Variants in CROCC2 observed in about 807,000 individuals in gnomAD.
CROCC2 encodes the protein ciliary rootlet coiled-coil, rootletin family member 2.
CROCC2 carries 163 observed loss-of-function variants against 177.6 expected under a neutral mutation model. The ratio of observed to expected loss-of-function variants is 0.92; its 90% confidence interval spans 0.81 to 1.05. The LOEUF (loss-of-function observed/expected upper bound fraction) is 1.05. Ranked by LOEUF, CROCC2 falls within the 50% of genes least tolerant of loss-of-function variation. CROCC2 has a pLI of 0.00. For synonymous variants in CROCC2, 904 were observed against 787.3 expected, an observed-to-expected ratio of 1.15 and a Z score of -2.48; for missense variants, 1,929 against 1,797.8, an observed-to-expected ratio of 1.07 and a Z score of -1.32.
At position 240,989,685 on chromosome 2, in the gene CROCC2, C is replaced by T. The variant is rs781255513; in HGVS notation, c.4715C>T (p.Thr1572Ile). ...AQMTEMEQAH[T>I]QRLQDLTAQH... is the part of the protein sequence containing the mutation. Reference sequence around the variant, plus strand: ...ATGACAGAGATGGAGCAGGCCCACACCCAGCGGCTCCAGGACCTGACAGCT... The same window carrying T: ...ATGACAGAGATGGAGCAGGCCCACATCCAGCGGCTCCAGGACCTGACAGCT... Residue 1572 changes from threonine (T) to isoleucine (I), a missense_variant, in exon 30 of 32, where the codon ACC (threonine) becomes ATC (isoleucine). This residue lies in a region of CROCC2 where 388 missense variants were observed against 352.7 expected (regional missense o/e 1.10). Transcript: ENST00000690015. The T allele has an allele frequency of 1.1e-5, 17 of 1,549,620 alleles. No individual in the cohort carries two copies. Among genetic ancestry groups the T allele is most frequent in the Non-Finnish European group, 1.2e-5 (14 of 1,146,348 alleles).
At position 240,934,331 on chromosome 2, in the gene CROCC2, T is replaced by G; in HGVS notation, c.1647T>G (p.Ser549Arg). The change falls in exon 12 of 32, where the codon AGT becomes AGG. Residue 549 changes from serine (S) to arginine (R), a missense_variant and splice_region_variant. Ser to Arg is a moderately radical substitution (Grantham distance 110). This residue lies in a region of CROCC2 where 1,397 missense variants were observed against 1,239.9 expected (regional missense o/e 1.13). Transcript: ENST00000690015. ...CCCGCCCTCTGGTCTGGGGCCTCAG[T>G]CAAGGCCGCCTGCAGCAGCTGGAGG... ...RERSCRALET[S>R]QGRLQQLEEK... is the part of the protein sequence containing the mutation. The G allele has an allele frequency of 6.5e-7, 1 of 1,548,268 alleles. No individual in the cohort carries two copies.
chr2:240,967,619 A>G, intron 26 of CROCC2, 154 bp downstream of exon 26: 1 of 978,004 alleles, frequency 1.0e-6, no homozygotes, highest in Non-Finnish European at 1.2e-6. Context: ...AGGCCTGGCG[A>G]GGCTGGGTCA....
chr2:240,974,674 C>T (rs1177045237), intron 27 of CROCC2, among the ~76,000 whole-genome samples: 1 of 151,620 alleles, frequency 6.6e-6, no homozygotes, highest in African/African-American at 2.4e-5. Flanking sequence ...CCAGCCAACA[C>T]CCTCTTTTTG....
chr2:240,983,298 G>A, intron 28 of CROCC2: 2 of 1,112,138 alleles, frequency 1.8e-6, no homozygotes, highest in Non-Finnish European at 2.4e-6. Context: ...CAACAGAGGA[G>A]TCAGCTGTGG....
chr2:240,944,675 G>A (rs1034219739), intron 14 of CROCC2, among the ~76,000 whole-genome samples: 14 of 151,256 alleles, frequency 9.3e-5, no homozygotes, highest in Admixed American at 3.9e-4. Context: ...TAAACTTTAC[G>A]TCTTGCTATC....
intron 1 of CROCC2, among the ~76,000 whole-genome samples, chr2:240,913,921 C>G (rs2059302822): frequency 6.6e-6 from 1 of 152,268 alleles, no homozygotes; most frequent in Admixed American, 6.5e-5. Context: ...GCCGGAGGCC[C>G]TGTCCTCAGA....
intron 6 of CROCC2, 142 bp from the exon 7 acceptor site, chr2:240,930,789 A>G (rs2059423946): frequency 3.4e-6 from 2 of 589,518 alleles, no homozygotes; most frequent in East Asian, 2.9e-5. Context: ...GTTTGGTGAC[A>G]CATGGGAACA....
At chr2:240,987,555 T>G (rs2059848753) in intron 28 of CROCC2, among the ~76,000 whole-genome samples, 1 of 152,204 alleles carries the variant, frequency 6.6e-6, no homozygotes, top group Non-Finnish European at 1.5e-5. Context: ...TGTAACAAAC[T>G]TTACCCATGC....
chr2:240,926,587 G>A lies in CROCC2; in HGVS notation c.645+707G>A, dbSNP rs572107013. ...CGGGCAAGGATTTCCCCAGGAAGACGGGCCCCCCGGAAGATGTGCTGCGCC... is the reference window on the plus strand; with the variant it reads ...CGGGCAAGGATTTCCCCAGGAAGACAGGCCCCCCGGAAGATGTGCTGCGCC... On this transcript the variant is annotated intron_variant, in intron 5 of 31. Transcript: ENST00000690015. Among the ~76,000 whole-genome samples, 48 of 152,368 alleles carry A rather than the reference G, an allele frequency of 3.2e-4. 1 individual carries two copies. The highest frequency in any genetic ancestry group is 6.6e-4 in the Non-Finnish European group (45 of 68,032).
chr2:240,954,960 C>T (rs996094512), intron 18 of CROCC2: 3 of 152,208 alleles, frequency 2.0e-5, no homozygotes, highest in African/African-American at 7.2e-5. Flanking sequence ...TTATGCAACA[C>T]CCTCCAAAGA....
chr2:240,912,868 A>G (rs2059297152), intron 1 of CROCC2, among the ~76,000 whole-genome samples: 2 of 152,218 alleles, frequency 1.3e-5, no homozygotes, highest in Non-Finnish European at 2.9e-5. Context: ...AGACACGCTT[A>G]TCACTCAGGA....
At position 240,955,880 on chromosome 2, in the gene CROCC2, G is replaced by A; in HGVS notation, c.2851G>A (p.Glu951Lys). Residue 951 changes from glutamate (E) to lysine (K), a missense_variant, in exon 19 of 32, where the codon GAG (glutamate) becomes AAG (lysine). By Grantham distance (56) the Glu-to-Lys change is moderately conservative (BLOSUM62 1). Around this residue, in one of 3 missense-constraint regions of CROCC2, gnomAD observed 1,397 missense variants for 1,239.9 expected, o/e 1.13. Transcript: ENST00000690015. Reference sequence around the variant, plus strand: ...TCAGGCCCTGTCCCTGAAAGAAACAGAGCGGAGCCTTCTGAGTGAGGAGCT... The same window carrying A: ...TCAGGCCCTGTCCCTGAAAGAAACAAAGCGGAGCCTTCTGAGTGAGGAGCT... The part of the protein sequence containing the change: ...MQQALSLKET[E>K]RSLLSEELSR... The A allele has an allele frequency of 1.1e-5, 17 of 1,535,156 alleles. No individual in the cohort carries two copies. The highest frequency in any genetic ancestry group is 1.4e-5 in the Non-Finnish European group (16 of 1,146,868).
At chr2:240,939,504 A>G (rs925291879) in intron 14 of CROCC2, among the ~76,000 whole-genome samples, 6 of 152,132 alleles carry the variant, frequency 3.9e-5, no homozygotes, top group African/African-American at 1.4e-4. Flanking sequence ...CTCCTAAAAT[A>G]CACTGGAAAG....
intron 26 of CROCC2, 121 bp downstream of exon 26, chr2:240,967,586 C>T: frequency 6.7e-7 from 1 of 1,488,466 alleles, no homozygotes; most frequent in Non-Finnish European, 9.0e-7. Context: ...GGAAGGGAGC[C>T]TGGGGGCAAC....
intron 27 of CROCC2, chr2:240,981,635 G>T (rs895785430): frequency 2.6e-5 from 4 of 152,218 alleles, no homozygotes; most frequent in African/African-American, 9.6e-5. Context: ...TTTTCTACTG[G>T]AAAATTATAT....
At chr2:240,965,266 C>T (rs916759496) in intron 22 of CROCC2, 115 bp from the exon 23 acceptor site, 2 of 1,449,826 alleles carry the variant, frequency 1.4e-6, no homozygotes, top group African/African-American at 2.8e-5. Context: ...CCAAGCCTCC[C>T]TAAGTGTGGC....
chr2:240,914,765 C>T (rs1288492447), intron 1 of CROCC2, among the ~76,000 whole-genome samples: 2 of 152,196 alleles, frequency 1.3e-5, no homozygotes, highest in East Asian at 1.9e-4. Flanking sequence ...AGGCAGCTGT[C>T]CAAGCAGGAC....
intron 19 of CROCC2, 85 bp from the exon 20 acceptor site, chr2:240,959,216 C>T (rs939641109): frequency 3.5e-6 from 5 of 1,425,856 alleles, no homozygotes; most frequent in Non-Finnish European, 4.6e-6. Flanking sequence ...TGCAACACCT[C>T]TCTCTCCAGG....
chr2:240,960,791 A>G lies in CROCC2; in HGVS notation c.3087+1347A>G, dbSNP rs897617759. Among the ~76,000 whole-genome samples the G allele has an allele frequency of 1.3e-5, 2 of 151,878 alleles. No homozygotes were observed. The highest frequency in any genetic ancestry group is 4.8e-5 in the African/African-American group (2 of 41,386). ...CAGGCTGAGAGAGGAAGAGAACATG[A>G]TTTAACATGACCGGCTGTTTACATT... On this transcript the variant is annotated intron_variant, in intron 20 of 31. Coordinates refer to ENST00000690015, the MANE Select transcript of CROCC2 (RefSeq NM_001351305.2). The surrounding 1 kb of genome is among the most constrained non-coding windows in gnomAD (Gnocchi z 5.0).
Sources: allele counts gnomAD v4.1 joint callset (sites outside exome capture counted in the v4.1 genomes callset), GRCh38; gene constraint gnomAD v4.1.1; regional missense constraint gnomAD v4.1.1; non-coding constraint Gnocchi (gnomAD v3.1); transcripts MANE v1.5; gene names NCBI Gene and HGNC (gene_info 2026-07-23, HGNC 2026-07-21).